Variants in TBC1D2B observed in about 807,000 individuals in gnomAD.
The protein encoded by TBC1D2B is TBC1 domain family, member 2B.
Under a neutral mutation model 100.8 loss-of-function variants are expected in TBC1D2B, and 64 were observed. The observed-to-expected ratio is 0.64, with a 90% CI of 0.52 to 0.78. The LOEUF is 0.78. TBC1D2B is among the 30% of genes least tolerant of loss of function. The probability of loss-of-function intolerance (pLI) is 0.00; values close to 1 mark genes in which losing one functional copy is unlikely to be tolerated. For missense variants in TBC1D2B, 1,052 were observed against 1,218.4 expected (o/e 0.86, Z 2.03); for synonymous variants, 480 against 479.7 (o/e 1.00, Z -0.01).
At chr15:78,052,612 C>T (rs1294781360) in intron 2 of TBC1D2B, among the ~76,000 whole-genome samples, 1 of 152,214 alleles carries the variant, frequency 6.6e-6, no homozygotes, top group Admixed American at 6.5e-5. Context: ...TAGGGCTAGG[C>T]ACTACTTCTT....
intron 3 of TBC1D2B, among the ~76,000 whole-genome samples, chr15:78,031,455 G>A (rs1236383809): frequency 7.0e-6 from 1 of 143,468 alleles, no homozygotes; most frequent in African/African-American, 2.5e-5. Flanking sequence ...TCGGGAGGCT[G>A]AGGCACAAGA....
At position 77,995,755 on chromosome 15, in the gene TBC1D2B, G is replaced by C. The variant is rs1188923383; in HGVS notation, c.*2405C>G. 4 of 152,526 alleles carry C rather than the reference G, an allele frequency of 2.6e-5. No individual in the cohort carries two copies. The East Asian group carries it at 5.8e-4, about 22-fold the overall frequency. 9.4% of individuals were successfully genotyped at this position (152,526 alleles called of 1,614,324 possible). ...GTGCGCACGTTTGGACAGGCCTTTG[G>C]GTTTCCCAGCTGGCAGGGTCCCCCT... On this transcript the variant is annotated 3_prime_UTR_variant, in exon 13 of 13. Transcript: ENST00000300584.
Position 78,060,823 on chromosome 15 carries a change from A to G in TBC1D2B, c.361-6636T>C, listed in dbSNP as rs192586169. Among the ~76,000 whole-genome samples the G allele has an allele frequency of 9.9e-3, 1,500 of 152,006 alleles. 12 individuals carry two copies. Among genetic ancestry groups the G allele is most frequent in the Non-Finnish European group, 0.015 (1,011 of 67,958 alleles). On this transcript the variant is annotated intron_variant, in intron 1 of 12. Coordinates refer to ENST00000300584, the MANE Select transcript of TBC1D2B (RefSeq NM_144572.2). Reference sequence around the variant, plus strand: ...TCCCAGCTACTCGGGAGGCCGAGACAGGAGAATCGTTTACACCCAGGAAGC... The same window carrying G: ...TCCCAGCTACTCGGGAGGCCGAGACGGGAGAATCGTTTACACCCAGGAAGC...
intron 1 of TBC1D2B, among the ~76,000 whole-genome samples, chr15:78,076,005 G>C (rs908131932): frequency 6.6e-6 from 1 of 152,138 alleles, no homozygotes; most frequent in Non-Finnish European, 1.5e-5. Context: ...AGCCCAACCT[G>C]GAATACGGAA....
chr15:78,046,783 G>A (rs898014412), intron 2 of TBC1D2B, among the ~76,000 whole-genome samples: 7 of 152,170 alleles, frequency 4.6e-5, no homozygotes, highest in African/African-American at 1.7e-4. Flanking sequence ...AGAAAAATTC[G>A]TTTCTAATCA....
intron 2 of TBC1D2B, among the ~76,000 whole-genome samples, chr15:78,049,375 T>C (rs1187533317): frequency 6.6e-6 from 1 of 152,154 alleles, no homozygotes; most frequent in Non-Finnish European, 1.5e-5. Flanking sequence ...AATTAATCCA[T>C]AAAAGACAAG....
In TBC1D2B at chr15:78,024,241, C is replaced by T. The variant is rs1431826139; in HGVS notation, c.1385G>A (p.Gly462Asp). 36 of 1,613,916 alleles carry T rather than the reference C, an allele frequency of 2.2e-5. No individual in the cohort carries two copies. Among genetic ancestry groups the T allele is most frequent in the Non-Finnish European group, 3.1e-5 (36 of 1,179,898 alleles). ...EVIIKLSEGE[G>D]NGPPPTVAPS... ...CGCCACGGTGGGAGGAGGCCCGTTG[C>T]CCTCGCCCTCGCTGAGCTTGATGAT... The change falls in exon 6 of 13, where the codon GGC becomes GAC. Residue 462 changes from glycine (G) to aspartate (D), a missense_variant. Around this residue, in one of 4 missense-constraint regions of TBC1D2B, gnomAD observed 627 missense variants for 646.1 expected, o/e 0.97. Coordinates refer to ENST00000300584, the MANE Select transcript of TBC1D2B (RefSeq NM_144572.2).
intron 1 of TBC1D2B, among the ~76,000 whole-genome samples, chr15:78,056,966 C>A: frequency 6.6e-6 from 1 of 152,174 alleles, no homozygotes; most frequent in South Asian, 2.1e-4. Flanking sequence ...GACACTTCCT[C>A]TTGTTCAGCC....
chr15:78,029,568 A>G (rs1394847466), intron 4 of TBC1D2B, among the ~76,000 whole-genome samples: 1 of 152,242 alleles, frequency 6.6e-6, no homozygotes, highest in East Asian at 1.9e-4. Flanking sequence ...TAATGCCTAC[A>G]ATAATAATCC....
chr15:78,030,890 T>C (rs2072791384), intron 3 of TBC1D2B, among the ~76,000 whole-genome samples: 1 of 152,202 alleles, frequency 6.6e-6, no homozygotes, highest in African/African-American at 2.4e-5. Flanking sequence ...TATACAGCAC[T>C]TAAAATTAAC....
chr15:77,999,261 C>T (rs1029855613), intron 12 of TBC1D2B: 3 of 454,044 alleles, frequency 6.6e-6, no homozygotes, highest in Non-Finnish European at 1.3e-5. Context: ...AGAAATGCCC[C>T]GAAGGACTTC....
intron 1 of TBC1D2B, among the ~76,000 whole-genome samples, chr15:78,074,944 C>T (rs1306674325): frequency 6.6e-6 from 1 of 152,186 alleles, no homozygotes; most frequent in Non-Finnish European, 1.5e-5. Flanking sequence ...CATGTAGTGC[C>T]TACTATTTTC....
chr15:78,004,539 A>G (rs1403473974), intron 10 of TBC1D2B, among the ~76,000 whole-genome samples: 1 of 152,240 alleles, frequency 6.6e-6, no homozygotes, highest in Non-Finnish European at 1.5e-5. Flanking sequence ...CTCACAAAAA[A>G]ACATGCATCT....
In TBC1D2B at chr15:78,023,276, C is replaced by G. The variant is rs533465638; in HGVS notation, c.1470+880G>C. Among the ~76,000 whole-genome samples the G allele has an allele frequency of 2.0e-5, 3 of 152,184 alleles. No individual in the cohort carries two copies. The South Asian group carries it at 6.2e-4, about 32-fold the overall frequency. On this transcript the variant is annotated intron_variant, in intron 6 of 12. Transcript: ENST00000300584. The stretch of plus-strand genomic sequence containing the variant: ...CCTTGGGGCTAGGTGAGACCAGTAG[C>G]TACAGACATGTCTGGGGTCTGCTGG...
rs919153390 is a variant in TBC1D2B at position 78,024,473 on chromosome 15, G to A, written c.1153C>T (p.Arg385Trp). The change falls in exon 6 of 13, where the codon CGG becomes TGG. Residue 385 changes from arginine (R) to tryptophan (W), a missense_variant. By Grantham distance (101) the Arg-to-Trp change is moderately radical. Transcript: ENST00000300584. The stretch of plus-strand genomic sequence containing the variant: ...TCCTTTGGGACCCCCTCACAGAGCC[G>A]GCTGCTTGTGAAATACTTGTCATAC... ...SQYDKYFTSS[R>W]LCEGVPKDTL... 3.4e-5 allele frequency: 55 copies of A among 1,613,892 alleles called. No homozygotes were observed. In the East Asian group the frequency reaches 9.6e-4, roughly 28 times the overall value.
intron 1 of TBC1D2B, among the ~76,000 whole-genome samples, chr15:78,060,848 C>T (rs1022963723): frequency 2.6e-5 from 4 of 151,548 alleles, no homozygotes; most frequent in Non-Finnish European, 5.9e-5. Flanking sequence ...ACCCAGGAAG[C>T]GGAGGTTGCA....
chr15:78,053,438 C>T (rs1297263645), intron 2 of TBC1D2B, among the ~76,000 whole-genome samples: 1 of 152,162 alleles, frequency 6.6e-6, no homozygotes, highest in Non-Finnish European at 1.5e-5. Context: ...AAAACAGTCC[C>T]ATCTCCACAG....
At chr15:78,034,670 G>C in intron 3 of TBC1D2B, 5 of 985,378 alleles carry the variant, frequency 5.1e-6, no homozygotes, top group Non-Finnish European at 6.0e-6. Context: ...AGCCTGAGTC[G>C]TACGCTGCCG....
chr15:78,044,999 G>A lies in TBC1D2B; in HGVS notation c.584C>T (p.Pro195Leu). 3.1e-6 allele frequency: 5 copies of A among 1,613,800 alleles called. No individual in the cohort carries two copies. The highest frequency in any genetic ancestry group is 4.2e-6 in the Non-Finnish European group (5 of 1,179,776). The part of the protein sequence containing the change: ...ARNVLAVETV[P>L]GELVGEQAAN... ...AGCTTGTTCTCCCACCAGCTCTCCA[G>A]GCACAGTCTCCACAGCTAGGACATT... Residue 195 changes from proline to leucine, a missense_variant, in exon 3 of 13, where the codon CCT (proline) becomes CTT (leucine). By Grantham distance (98) the Pro-to-Leu change is moderately conservative. Around this residue, in one of 4 missense-constraint regions of TBC1D2B, gnomAD observed 627 missense variants for 646.1 expected, o/e 0.97. Transcript: ENST00000300584.
Sources: gnomAD v4.1 joint callset for allele counts (sites outside exome capture counted in the v4.1 genomes callset) on GRCh38, gnomAD v4.1.1 for gene constraint, gnomAD v4.1.1 regional missense constraint, MANE v1.5 for transcripts, NCBI Gene and HGNC (gene_info 2026-07-23, HGNC 2026-07-21) for gene names.